Variants in POU6F2 observed in about 807,000 individuals in gnomAD.
The protein encoded by POU6F2 is POU domain, class 6, transcription factor 2.
In POU6F2, 31 loss-of-function variants were observed where a neutral mutation model predicts 71.3. That is an observed-to-expected ratio of 0.43 (90% CI 0.33 to 0.59). The LOEUF (loss-of-function observed/expected upper bound fraction) is 0.59. Among genes scored for constraint, POU6F2 ranks in the 20% least tolerant of loss-of-function variants. The pLI, the probability that POU6F2 is intolerant of heterozygous loss-of-function variation, is 0.04. For synonymous variants in POU6F2, 347 were observed against 355.7 expected (o/e 0.98, Z 0.27); for missense variants, 783 against 856.8 (o/e 0.91, Z 1.07).
chr7:39,022,419 A>G (rs1789698321), intron 1 of POU6F2, among the ~76,000 whole-genome samples: 1 of 152,096 alleles, frequency 6.6e-6, no homozygotes, highest in East Asian at 1.9e-4. Flanking sequence ...ATTTTCTGCA[A>G]TAAAACACAC....
chr7:39,173,159 A>G (rs137974664), intron 2 of POU6F2, among the ~76,000 whole-genome samples: 152 of 152,374 alleles, frequency 1.0e-3, no homozygotes, highest in African/African-American at 3.5e-3. Flanking sequence ...TTCTTGTGTT[A>G]GAAATGGACC....
At chr7:39,026,618 GA>G in intron 1 of POU6F2, among the ~76,000 whole-genome samples, 1 of 152,104 alleles carries the variant, frequency 6.6e-6, no homozygotes, top group Middle Eastern at 3.4e-3. Context: ...GAGGAGTGGG[GA>G]GGGATAGCAT....
intron 1 of POU6F2, among the ~76,000 whole-genome samples, chr7:39,029,271 T>C (rs894874738): frequency 1.3e-5 from 2 of 152,182 alleles, no homozygotes; most frequent in African/African-American, 4.8e-5. Flanking sequence ...TGTTTTATAT[T>C]CTTTTGGTTT....
chr7:39,297,357 C>G (rs777865869), intron 4 of POU6F2, among the ~76,000 whole-genome samples: 8 of 152,106 alleles, frequency 5.3e-5, no homozygotes, highest in Non-Finnish European at 1.2e-4. Flanking sequence ...CATTTACCTT[C>G]ACTATAAGAC....
At chr7:39,422,246 C>T (rs1031994940) in intron 6 of POU6F2, among the ~76,000 whole-genome samples, 17 of 152,034 alleles carry the variant, frequency 1.1e-4, no homozygotes, top group African/African-American at 3.6e-4. Context: ...ATAATCAAAA[C>T]GTAAAACCAC....
chr7:39,027,738 A>G (rs995591238), intron 1 of POU6F2, among the ~76,000 whole-genome samples: 2 of 152,188 alleles, frequency 1.3e-5, no homozygotes, highest in African/African-American at 4.8e-5. Context: ...CCCCATAAAC[A>G]TACACCTCGT....
chr7:39,207,700 C>T (rs1794050842), intron 4 of POU6F2, 80 bp downstream of exon 4: 1 of 1,340,352 alleles, frequency 7.5e-7, no homozygotes, highest in Admixed American at 2.0e-5. Flanking sequence ...AAAAATGTGC[C>T]TAGAATGGTG....
chr7:39,052,515 A>G (rs1179088051), intron 1 of POU6F2, among the ~76,000 whole-genome samples: 1 of 151,798 alleles, frequency 6.6e-6, no homozygotes, highest in African/African-American at 2.4e-5. Flanking sequence ...ATCGGATCTC[A>G]TGAGAACTCA....
intron 5 of POU6F2, chr7:39,373,355 T>C: frequency 4.5e-6 from 2 of 442,844 alleles, no homozygotes; most frequent in South Asian, 3.2e-5. Context: ...CTGATTGACC[T>C]ACGAGGCTGA....
Position 39,314,731 on chromosome 7 carries a change from G to C in POU6F2, c.599-24911G>C, listed in dbSNP as rs60931428. Among the ~76,000 whole-genome samples the C allele has an allele frequency of 2.7e-3, 409 of 152,238 alleles. 2 individuals carry two copies. Among genetic ancestry groups the C allele is most frequent in the African/African-American group, 6.7e-3 (279 of 41,540 alleles). ...TTGGAACCGAAATTAATCACACTTT[G>C]ATTCTAAAGGATACATGAAGTAAAC... is the stretch of plus-strand genomic sequence containing the variant. On this transcript the variant is annotated intron_variant, in intron 4 of 9. Transcript: ENST00000518318.
At chr7:39,008,330 G>C (rs1310431483) in intron 1 of POU6F2, among the ~76,000 whole-genome samples, 1 of 151,996 alleles carries the variant, frequency 6.6e-6, no homozygotes, top group African/African-American at 2.4e-5. Context: ...ATCTTCTTTT[G>C]AGAAGTGTCT....
At chr7:39,050,317 C>T (rs1461557622) in intron 1 of POU6F2, among the ~76,000 whole-genome samples, 3 of 152,018 alleles carry the variant, frequency 2.0e-5, no homozygotes, top group African/African-American at 7.2e-5. Flanking sequence ...GCAAAATCTC[C>T]CGCTGAGTTG....
intron 4 of POU6F2, among the ~76,000 whole-genome samples, chr7:39,277,019 T>G (rs1168679645): frequency 6.6e-6 from 1 of 152,044 alleles, no homozygotes. Flanking sequence ...AACCTGTACA[T>G]TGTGCACATG....
chr7:39,268,136 G>A (rs1022384406), intron 4 of POU6F2, among the ~76,000 whole-genome samples: 1 of 152,176 alleles, frequency 6.6e-6, no homozygotes, highest in African/African-American at 2.4e-5. Flanking sequence ...TGTGTTGTCT[G>A]CATAGGGAGA....
intron 5 of POU6F2, among the ~76,000 whole-genome samples, chr7:39,355,671 G>GC (rs1786241338): frequency 6.6e-6 from 1 of 151,908 alleles, no homozygotes; most frequent in Non-Finnish European, 1.5e-5. Context: ...CCACCACCCA[G>GC]CCCCCCAGCC....
At chr7:39,281,528 C>T (rs1447969804) in intron 4 of POU6F2, among the ~76,000 whole-genome samples, 1 of 152,100 alleles carries the variant, frequency 6.6e-6, no homozygotes, top group East Asian at 1.9e-4. Context: ...TTTTTAGATC[C>T]CACATATGTG....
intron 4 of POU6F2, among the ~76,000 whole-genome samples, chr7:39,282,451 AT>A: frequency 6.6e-6 from 1 of 151,996 alleles, no homozygotes; most frequent in East Asian, 1.9e-4. Context: ...GTTTGAATTG[AT>A]TTTTGTATGT....
chr7:39,002,774 C>T (rs920343428), intron 1 of POU6F2, among the ~76,000 whole-genome samples: 17 of 152,338 alleles, frequency 1.1e-4, no homozygotes, highest in African/African-American at 3.6e-4. Flanking sequence ...TTTTCCCCTC[C>T]GGGGAATTTT....
intron 2 of POU6F2, among the ~76,000 whole-genome samples, chr7:39,104,383 G>A (rs566056708): frequency 6.6e-6 from 1 of 152,212 alleles, no homozygotes; most frequent in Non-Finnish European, 1.5e-5. Context: ...TGGAGGGCTA[G>A]AATCATTTGA....
Sources: allele counts gnomAD v4.1 joint callset (sites outside exome capture counted in the v4.1 genomes callset), GRCh38; gene constraint gnomAD v4.1.1; transcripts MANE v1.5; gene names NCBI Gene and HGNC (gene_info 2026-07-23, HGNC 2026-07-21).